PDZD2: variants seen among roughly 807,000 people sequenced by gnomAD.
PDZD2 encodes the protein PDZ domain containing 2.
Under a neutral mutation model 220.7 loss-of-function variants are expected in PDZD2, and 90 were observed. The ratio of observed to expected loss-of-function variants is 0.41; its 90% CI spans 0.34 to 0.49. PDZD2 has a LOEUF of 0.49. Among genes scored for constraint, PDZD2 ranks in the 20% least tolerant of loss-of-function variants. PDZD2 has a pLI of 0.28. For synonymous variants in PDZD2, 1,375 were observed against 1,450.5 expected (o/e 0.95, Z 1.18); for missense variants, 3,174 against 3,608.5 (o/e 0.88, Z 3.08).
intron 2 of PDZD2, among the ~76,000 whole-genome samples, chr5:31,857,974 C>T (rs1758606845): frequency 6.6e-6 from 1 of 152,110 alleles, no homozygotes; most frequent in Non-Finnish European, 1.5e-5. Flanking sequence ...TACAGGCATG[C>T]ACCACCACAC....
chr5:31,764,839 G>A (rs902424966), intron 1 of PDZD2, among the ~76,000 whole-genome samples: 3 of 152,220 alleles, frequency 2.0e-5, no homozygotes, highest in Non-Finnish European at 2.9e-5. Flanking sequence ...CACTTTGGGA[G>A]GCCAAGATAG....
intron 1 of PDZD2, among the ~76,000 whole-genome samples, chr5:31,693,398 C>T (rs1747227581): frequency 6.6e-6 from 1 of 151,922 alleles, no homozygotes; most frequent in Non-Finnish European, 1.5e-5. Flanking sequence ...TGCACCACCA[C>T]ACCAGGCTAA....
chr5:31,779,470 A>AT (rs11455240), intron 1 of PDZD2, among the ~76,000 whole-genome samples: 105,900 of 148,888 alleles, frequency 0.71, 37,776 homozygotes, highest in African/African-American at 0.77. Context: ...CACCTCCCGG[A>AT]TCACGCCATT....
chr5:31,963,516 G>A (rs77795830), intron 2 of PDZD2, among the ~76,000 whole-genome samples: 3,280 of 152,286 alleles, frequency 0.022, 128 homozygotes, highest in African/African-American at 0.076. Flanking sequence ...TTGTGTCCGT[G>A]GGAGCAGCCT....
chr5:31,965,741 C>CA (rs1748683574), intron 2 of PDZD2, among the ~76,000 whole-genome samples: 1 of 151,962 alleles, frequency 6.6e-6, no homozygotes, highest in African/African-American at 2.4e-5. Flanking sequence ...CTAAAAAATA[C>CA]AAAAAATTAG....
intron 6 of PDZD2, among the ~76,000 whole-genome samples, chr5:32,034,332 G>A (rs1755357674): frequency 6.6e-6 from 1 of 151,294 alleles, no homozygotes; most frequent in African/African-American, 2.4e-5. Context: ...GGGTCAGGTG[G>A]TATTATCAGA....
At chr5:31,974,030 G>T (rs1348200614) in intron 2 of PDZD2, among the ~76,000 whole-genome samples, 1 of 152,178 alleles carries the variant, frequency 6.6e-6, no homozygotes, top group Non-Finnish European at 1.5e-5. Context: ...ACCCAGGCTG[G>T]AATGTAGTGG....
intron 2 of PDZD2, among the ~76,000 whole-genome samples, chr5:31,975,793 CTTTTTTTTTATTTA>C (rs1213981333): frequency 7.2e-5 from 4 of 55,184 alleles, no homozygotes; most frequent in African/African-American, 3.4e-4. Flanking sequence ...GTATCAGTCA[CTTTTTTTTTATTTA>C]TTTTTTTTTT....
chr5:31,677,155 G>T (rs1356092233), intron 1 of PDZD2, among the ~76,000 whole-genome samples: 5 of 152,196 alleles, frequency 3.3e-5, no homozygotes, highest in Non-Finnish European at 7.3e-5. Flanking sequence ...GAAAGCTTCA[G>T]TTGCCAGGAA....
intron 1 of PDZD2, among the ~76,000 whole-genome samples, chr5:31,667,065 T>C (rs2150115532): frequency 1.3e-5 from 2 of 151,610 alleles, no homozygotes; most frequent in South Asian, 4.2e-4. Context: ...TGAAACCCCG[T>C]CTCTACTAAA....
chr5:31,833,478 GA>G (rs869118030), intron 2 of PDZD2, among the ~76,000 whole-genome samples: 10 of 2,062 alleles, frequency 4.8e-3, no homozygotes, highest in South Asian at 0.012. Context: ...AAAAAAAAAA[GA>G]AAAAAAAAAA....
intron 2 of PDZD2, among the ~76,000 whole-genome samples, chr5:31,900,437 G>C (rs1741973088): frequency 6.6e-6 from 1 of 152,190 alleles, no homozygotes; most frequent in African/African-American, 2.4e-5. Context: ...ACCTGAAGGG[G>C]ATAGGGGAGG....
chr5:31,663,647 A>G (rs1280916847), intron 1 of PDZD2, among the ~76,000 whole-genome samples: 1 of 152,234 alleles, frequency 6.6e-6, no homozygotes, highest in East Asian at 1.9e-4. Context: ...GGGTGAGATC[A>G]TGAGAAATCT....
chr5:31,670,523 G>A (rs1232163366), intron 1 of PDZD2, among the ~76,000 whole-genome samples: 8 of 151,970 alleles, frequency 5.3e-5, no homozygotes, highest in African/African-American at 1.7e-4. Context: ...TTCAAACGAT[G>A]CTCCTGCCTC....
intron 1 of PDZD2, among the ~76,000 whole-genome samples, chr5:31,798,131 G>A (rs1201562588): frequency 6.6e-6 from 1 of 152,174 alleles, no homozygotes; most frequent in Admixed American, 6.5e-5. Flanking sequence ...CTGCTGACTG[G>A]TGTCACCACT....
intron 2 of PDZD2, among the ~76,000 whole-genome samples, chr5:31,964,429 T>C (rs1748530677): frequency 6.6e-6 from 1 of 152,186 alleles, no homozygotes; most frequent in Non-Finnish European, 1.5e-5. Flanking sequence ...AATATTCAGA[T>C]GAATTTGGAT....
chr5:31,714,986 G>T (rs1342713682), intron 1 of PDZD2, among the ~76,000 whole-genome samples: 2 of 151,248 alleles, frequency 1.3e-5, no homozygotes, highest in Admixed American at 1.3e-4. Flanking sequence ...GTGAACCCTG[G>T]AGGCGGAGCT....
At chr5:31,782,640 A>G (rs931966857) in intron 1 of PDZD2, among the ~76,000 whole-genome samples, 12 of 150,532 alleles carry the variant, frequency 8.0e-5, no homozygotes, top group African/African-American at 2.9e-4. Flanking sequence ...TTGGATCTGG[A>G]TCTAGCGTAT....
At chr5:31,960,944 C>T (rs1215429008) in intron 2 of PDZD2, among the ~76,000 whole-genome samples, 1 of 152,034 alleles carries the variant, frequency 6.6e-6, no homozygotes, top group African/African-American at 2.4e-5. Flanking sequence ...TAGGGACCGA[C>T]TGACTTATTC....
Sources: gnomAD v4.1 joint callset for allele counts (sites outside exome capture counted in the v4.1 genomes callset) on GRCh38, gnomAD v4.1.1 for gene constraint, MANE v1.5 for transcripts, NCBI Gene and HGNC (gene_info 2026-07-23, HGNC 2026-07-21) for gene names.